The following VEPH1 variants were observed in gnomAD, a reference collection of about 807,000 sequenced individuals.
VEPH1 encodes the protein ventricular zone expressed PH domain containing 1, also known as ventricular zone-expressed PH domain-containing protein homolog 1.
A neutral mutation model predicts 85.2 loss-of-function variants in VEPH1; 80 were observed. That is an observed-to-expected ratio of 0.94 (90% CI 0.78 to 1.13). VEPH1 has a LOEUF of 1.13. VEPH1 is among the 50% of genes most tolerant of loss of function. The probability of loss-of-function intolerance (pLI) is 0.00; values close to 1 mark genes in which losing one functional copy is unlikely to be tolerated. For synonymous variants in VEPH1, 297 were observed against 348.0 expected (o/e 0.85, Z 1.63); for missense variants, 955 against 980.5 (o/e 0.97, Z 0.35).
At chr3:157,409,271 T>G (rs1464355160) in intron 6 of VEPH1, among the ~76,000 whole-genome samples, 2 of 152,170 alleles carry the variant, frequency 1.3e-5, no homozygotes, top group Admixed American at 6.6e-5. Context: ...ATTTTTGCTG[T>G]GTTTTGGACA....
intron 9 of VEPH1, among the ~76,000 whole-genome samples, chr3:157,319,448 CT>C (rs1182622177): frequency 1.3e-5 from 2 of 152,054 alleles, no homozygotes; most frequent in Admixed American, 6.6e-5. Flanking sequence ...CAATGATATA[CT>C]TTTTTTAAGT....
chr3:157,398,735 A>G (rs1730604416), intron 6 of VEPH1, among the ~76,000 whole-genome samples: 2 of 152,128 alleles, frequency 1.3e-5, no homozygotes, highest in South Asian at 2.1e-4. Context: ...GGACCTCCCA[A>G]AGGCTCCCGA....
intron 9 of VEPH1, among the ~76,000 whole-genome samples, chr3:157,322,457 A>C (rs557522551): frequency 4.6e-5 from 7 of 152,316 alleles, no homozygotes; most frequent in African/African-American, 1.7e-4. Context: ...TCTGATTTAA[A>C]TTCTTTTTGG....
intron 11 of VEPH1, 48 bp from the exon 12 acceptor site, chr3:157,286,722 T>C: frequency 1.4e-6 from 2 of 1,457,676 alleles, no homozygotes; most frequent in South Asian, 2.3e-5. Flanking sequence ...CTCTGCCTGC[T>C]ACCTAACATT....
chr3:157,475,155 A>AT (rs557209438), intron 2 of VEPH1, among the ~76,000 whole-genome samples: 7,814 of 127,586 alleles, frequency 0.061, 677 homozygotes, highest in African/African-American at 0.2. Context: ...AATTTTTTTA[A>AT]TTTTTTTTTT....
At chr3:157,269,642 G>GTTTTTTTTTTTTTTTTTTTTTTTTTT (rs11408861) in intron 12 of VEPH1, among the ~76,000 whole-genome samples, 39 of 115,452 alleles carry the variant, frequency 3.4e-4, no homozygotes, top group Non-Finnish European at 4.9e-4. Context: ...TGTTTTTGTT[G>GTTTTTTTTTTTTTTTTTTTTTTTTTT]TTTTTTTTTT....
At chr3:157,323,280 T>A (rs1342510986) in intron 9 of VEPH1, among the ~76,000 whole-genome samples, 1 of 152,206 alleles carries the variant, frequency 6.6e-6, no homozygotes, top group East Asian at 1.9e-4. Flanking sequence ...TTGAAATAAC[T>A]GTTTGAAATT....
chr3:157,301,467 T>C (rs1718800826), intron 11 of VEPH1, among the ~76,000 whole-genome samples: 1 of 152,180 alleles, frequency 6.6e-6, no homozygotes, highest in East Asian at 1.9e-4. Flanking sequence ...CCATTTTCAC[T>C]CATCTCTACA....
intron 3 of VEPH1, among the ~76,000 whole-genome samples, chr3:157,462,096 T>A (rs1225853759): frequency 2.0e-5 from 3 of 148,048 alleles, no homozygotes; most frequent in Non-Finnish European, 4.5e-5. Context: ...ATATATATAA[T>A]ATATATACAC....
At chr3:157,397,791 T>C (rs1032685155) in intron 6 of VEPH1, among the ~76,000 whole-genome samples, 4 of 152,206 alleles carry the variant, frequency 2.6e-5, no homozygotes, top group South Asian at 4.1e-4. Context: ...AGCCAAACCA[T>C]TGGCTACAGC....
intron 4 of VEPH1, among the ~76,000 whole-genome samples, chr3:157,440,038 A>G (rs1311820231): frequency 6.6e-6 from 1 of 152,110 alleles, no homozygotes; most frequent in Non-Finnish European, 1.5e-5. Context: ...GTGTGATTGA[A>G]CACTACTTTA....
intron 7 of VEPH1, among the ~76,000 whole-genome samples, chr3:157,368,743 G>A (rs558248436): frequency 8.6e-4 from 130 of 152,006 alleles, no homozygotes; most frequent in Middle Eastern, 3.4e-3. Flanking sequence ...CTCCCGCCTC[G>A]GCCACCCAAA....
chr3:157,280,642 A>G (rs749756515), intron 12 of VEPH1, among the ~76,000 whole-genome samples: 1 of 152,240 alleles, frequency 6.6e-6, no homozygotes, highest in Non-Finnish European at 1.5e-5. Flanking sequence ...AGTTTCCACA[A>G]CATGTTGAAA....
chr3:157,381,454 C>T (rs572671284), intron 6 of VEPH1, 78 bp from the exon 7 acceptor site: 4 of 1,480,980 alleles, frequency 2.7e-6, no homozygotes, highest in Admixed American at 1.8e-5. Context: ...CCTGTAATCC[C>T]AGCACTTTGG....
intron 9 of VEPH1, among the ~76,000 whole-genome samples, chr3:157,360,451 A>G (rs748068222): frequency 2.0e-5 from 3 of 152,102 alleles, no homozygotes; most frequent in Non-Finnish European, 2.9e-5. Context: ...TTTTTTTTTA[A>G]GTACAGATGA....
rs144257320 is a variant in VEPH1, at chr3:157,468,849, C to T, written c.354+1465G>A. The stretch of plus-strand genomic sequence containing the variant: ...ACAGTTCAGTGGTAATAAATATATT[C>T]GTATTCTTTTTCTCCCTCTTCACCT... On this transcript the variant is annotated intron_variant, in intron 3 of 13. Transcript: ENST00000362010. 1.1e-3 allele frequency among the ~76,000 whole-genome samples: 163 copies of T among 151,894 alleles called. 1 individual carries two copies. The highest frequency in any genetic ancestry group is 0.01 in the East Asian group (54 of 5,172).
At chr3:157,279,470 A>G (rs61473987) in intron 12 of VEPH1, among the ~76,000 whole-genome samples, 35,406 of 151,978 alleles carry the variant, frequency 0.23, 4,265 homozygotes, top group Non-Finnish European at 0.27. Context: ...CAGTGGATAG[A>G]GAGAGACAAC....
At chr3:157,364,594 C>T (rs1347965492) in intron 7 of VEPH1, 82 bp from the exon 8 acceptor site, 4 of 1,298,878 alleles carry the variant, frequency 3.1e-6, no homozygotes, top group Non-Finnish European at 4.3e-6. Context: ...AACTGCCTCT[C>T]ACTCAGAAGC....
intron 11 of VEPH1, among the ~76,000 whole-genome samples, chr3:157,292,322 G>A (rs772175453): frequency 1.3e-5 from 2 of 152,136 alleles, no homozygotes; most frequent in Non-Finnish European, 2.9e-5. Context: ...GGGGATGGCT[G>A]ATTTGTGTCC....
Sources: allele counts gnomAD v4.1 joint callset (sites outside exome capture counted in the v4.1 genomes callset), GRCh38; gene constraint gnomAD v4.1.1; transcripts MANE v1.5; gene names NCBI Gene and HGNC (gene_info 2026-07-23, HGNC 2026-07-21).